The following CA10 variants were observed in gnomAD, a reference collection of about 807,000 sequenced individuals.
CA10 encodes carbonic anhydrase-related protein 10.
Under a neutral mutation model 44.2 loss-of-function variants are expected in CA10, and 14 were observed. The observed-to-expected ratio is 0.32, with a 90% confidence interval of 0.21 to 0.50. The LOEUF (loss-of-function observed/expected upper bound fraction) is 0.50, where lower values mean the gene tolerates loss of function less well. Ranked by LOEUF, CA10 falls within the 20% of genes least tolerant of loss-of-function variation. CA10 has a pLI of 0.99. For missense variants in CA10, 350 were observed against 409.7 expected, an observed-to-expected ratio of 0.85 and a Z score of 1.26; for synonymous variants, 159 against 141.6, an observed-to-expected ratio of 1.12 and a Z score of -0.87.
At chr17:52,091,872 T>C (rs1988275903) in intron 1 of CA10, among the ~76,000 whole-genome samples, 1 of 152,176 alleles carries the variant, frequency 6.6e-6, no homozygotes, top group Admixed American at 6.5e-5. Flanking sequence ...GAATGTGCCC[T>C]GGAAAGACCT....
intron 1 of CA10, among the ~76,000 whole-genome samples, chr17:52,121,191 CCT>C (rs1300617976): frequency 6.6e-6 from 1 of 152,192 alleles, no homozygotes; most frequent in Non-Finnish European, 1.5e-5. Flanking sequence ...TGAATCACCT[CCT>C]CTCTTGCAGA....
chr17:51,856,281 T>A (rs1034257178), intron 3 of CA10, among the ~76,000 whole-genome samples: 10 of 152,116 alleles, frequency 6.6e-5, no homozygotes, highest in Admixed American at 2.0e-4. Context: ...CATTGCAAAC[T>A]CATAGTTTGT....
intron 1 of CA10, among the ~76,000 whole-genome samples, chr17:52,153,634 C>T (rs1292598015): frequency 6.6e-6 from 1 of 152,100 alleles, no homozygotes; most frequent in African/African-American, 2.4e-5. Context: ...ATTATTTAGC[C>T]AAGGCTTCCT....
intron 2 of CA10, among the ~76,000 whole-genome samples, chr17:51,941,214 G>A (rs1228183448): frequency 6.6e-6 from 1 of 152,072 alleles, no homozygotes; most frequent in African/African-American, 2.4e-5. Flanking sequence ...ACCTAGCACA[G>A]AATTAAGATG....
At chr17:51,770,058 G>A (rs1021240916) in intron 3 of CA10, among the ~76,000 whole-genome samples, 4 of 151,934 alleles carry the variant, frequency 2.6e-5, no homozygotes, top group Non-Finnish European at 5.9e-5. Flanking sequence ...CCAAATCTAA[G>A]ATTCTATATC....
chr17:52,122,964 G>T (rs956063511), intron 1 of CA10, among the ~76,000 whole-genome samples: 1 of 150,552 alleles, frequency 6.6e-6, no homozygotes. Context: ...CTTTTTTTTT[G>T]CCAAACATTT....
intron 4 of CA10, among the ~76,000 whole-genome samples, chr17:51,685,334 T>C (rs1914972236): frequency 6.6e-6 from 1 of 152,132 alleles, no homozygotes; most frequent in South Asian, 2.1e-4. Flanking sequence ...GGAAGTCCCA[T>C]AGGCTGGGAG....
At chr17:51,777,070 T>A (rs1359106077) in intron 3 of CA10, among the ~76,000 whole-genome samples, 2 of 152,106 alleles carry the variant, frequency 1.3e-5, no homozygotes, top group Non-Finnish European at 2.9e-5. Context: ...TGGAAACAGT[T>A]TATAGACTGA....
intron 3 of CA10, among the ~76,000 whole-genome samples, chr17:51,803,155 T>C (rs970727011): frequency 1.3e-5 from 2 of 152,174 alleles, no homozygotes; most frequent in African/African-American, 2.4e-5. Flanking sequence ...ACTCTCTGAT[T>C]TGTGCGCAAC....
At chr17:52,107,513 A>G (rs1183083475) in intron 1 of CA10, among the ~76,000 whole-genome samples, 1 of 152,190 alleles carries the variant, frequency 6.6e-6, no homozygotes, top group Non-Finnish European at 1.5e-5. Flanking sequence ...TTGTCTCCAC[A>G]TGAACAGTTT....
At chr17:51,726,044 C>T (rs921383832) in intron 4 of CA10, among the ~76,000 whole-genome samples, 8 of 152,250 alleles carry the variant, frequency 5.3e-5, no homozygotes, top group African/African-American at 1.7e-4. Context: ...AGCTCAGGTG[C>T]ACATTTAAAC....
At chr17:51,933,368 C>G (rs762989370) in intron 2 of CA10, among the ~76,000 whole-genome samples, 9 of 151,742 alleles carry the variant, frequency 5.9e-5, no homozygotes, top group African/African-American at 9.7e-5. Flanking sequence ...CAGAGGTCAG[C>G]CAGGAGAGAA....
intron 3 of CA10, among the ~76,000 whole-genome samples, chr17:51,828,888 T>C (rs1424510846): frequency 2.0e-5 from 3 of 152,204 alleles, no homozygotes; most frequent in Non-Finnish European, 4.4e-5. Flanking sequence ...CTCATTGATA[T>C]GAAGAGTTAT....
At chr17:51,911,519 T>G (rs1981789520) in intron 3 of CA10, among the ~76,000 whole-genome samples, 1 of 152,162 alleles carries the variant, frequency 6.6e-6, no homozygotes, top group Non-Finnish European at 1.5e-5. Flanking sequence ...AGGCCCTGGT[T>G]GTATTTGGTC....
chr17:51,902,686 A>C (rs576091829), intron 3 of CA10, among the ~76,000 whole-genome samples: 30 of 152,198 alleles, frequency 2.0e-4, no homozygotes, highest in Non-Finnish European at 3.4e-4. Context: ...TTATGGATGA[A>C]GATTCTGTGT....
Position 52,030,809 on chromosome 17 carries a change from C to G in CA10, c.136+41510G>C, listed in dbSNP as rs1270199514. Among the ~76,000 whole-genome samples the G allele has an allele frequency of 2.6e-5, 4 of 152,234 alleles. No homozygotes were observed. In the South Asian group the frequency reaches 8.3e-4, roughly 32 times the overall value. The stretch of plus-strand genomic sequence containing the variant: ...TTGGACAAAAACTTCAGGCTCCCAG[C>G]CTTTGGGCTCCAGAATTTATAGCAG... On this transcript the variant is annotated intron_variant, in intron 2 of 8. Transcript: ENST00000451037.
At chr17:51,664,339 T>C (rs1239235617) in intron 4 of CA10, among the ~76,000 whole-genome samples, 1 of 152,144 alleles carries the variant, frequency 6.6e-6, no homozygotes, top group Non-Finnish European at 1.5e-5. Context: ...GAAAACAGCA[T>C]TAAAAATAAT....
chr17:51,759,492 TATTTA>T (rs1475570803), intron 3 of CA10, among the ~76,000 whole-genome samples: 4 of 60,312 alleles, frequency 6.6e-5, no homozygotes, highest in Admixed American at 4.3e-4. Flanking sequence ...ATATTTAATA[TATTTA>T]TTTTTTTTGG....
intron 2 of CA10, among the ~76,000 whole-genome samples, chr17:51,980,442 G>A (rs890538759): frequency 3.9e-5 from 6 of 152,070 alleles, no homozygotes; most frequent in African/African-American, 1.4e-4. Flanking sequence ...CAGACACACA[G>A]TTTGCAAATA....
Sources: gnomAD v4.1 joint callset for allele counts (sites outside exome capture counted in the v4.1 genomes callset) on GRCh38, gnomAD v4.1.1 for gene constraint, MANE v1.5 for transcripts, NCBI Gene and HGNC (gene_info 2026-07-23, HGNC 2026-07-21) for gene names.